The following CYP2B6 variants were observed in gnomAD, a reference collection of about 807,000 sequenced individuals.
CYP2B6 encodes the protein cytochrome P450 family 2 subfamily B member 6.
Under a neutral mutation model 43.4 loss-of-function variants are expected in CYP2B6, and 35 were observed. That is an observed-to-expected ratio of 0.81 (90% confidence interval 0.62 to 1.07). CYP2B6 has a LOEUF of 1.07. CYP2B6 is among the 50% of genes least tolerant of loss of function. The pLI is 0.00. For synonymous variants in CYP2B6, 239 were observed against 239.2 expected (o/e 1.00, Z 0.01); for missense variants, 624 against 632.8 (o/e 0.99, Z 0.15).
Position 41,004,082 on chromosome 19 carries a change from C to T in CYP2B6, c.253C>T (p.Arg85Trp), listed in dbSNP as rs1301704856. 52 of 1,608,492 alleles carry T rather than the reference C, an allele frequency of 3.2e-5. No homozygotes were observed. Among genetic ancestry groups the T allele is most frequent in the Non-Finnish European group, 4.1e-5 (48 of 1,179,024 alleles). The change falls in exon 2 of 9, where the codon CGG becomes TGG. Residue 85 changes from arginine (R) to tryptophan (W), a missense_variant. Transcript: ENST00000324071. ...CATGCTGTGTGGAGTAGAGGCCATA[C>T]GGGAGGCCCTTGTGGACAAGGCTGA... ...VVMLCGVEAIREALVDKAEAF... is the reference protein window; with the variant it reads ...VVMLCGVEAIWEALVDKAEAF...
intron 3 of CYP2B6, among the ~76,000 whole-genome samples, chr19:41,005,667 G>A (rs1969167863): frequency 6.6e-6 from 1 of 151,994 alleles, no homozygotes; most frequent in Non-Finnish European, 1.5e-5. Context: ...TTTAATCCCA[G>A]CTACTCAGGA....
At chr19:40,994,169 T>C (rs1298093012) in intron 1 of CYP2B6, among the ~76,000 whole-genome samples, 1 of 152,076 alleles carries the variant, frequency 6.6e-6, no homozygotes, top group Non-Finnish European at 1.5e-5. Flanking sequence ...GTAATTTCAG[T>C]TATTGACTGT....
intron 8 of CYP2B6, among the ~76,000 whole-genome samples, chr19:41,016,399 C>CAAAAAAAAAAA (rs869180190): frequency 1.4e-4 from 11 of 76,876 alleles, no homozygotes; most frequent in South Asian, 4.1e-4. Flanking sequence ...GACTCCATCT[C>CAAAAAAAAAAA]AAAAAAAAAA....
At chr19:41,002,621 C>G (rs1969111954) in intron 1 of CYP2B6, among the ~76,000 whole-genome samples, 1 of 152,126 alleles carries the variant, frequency 6.6e-6, no homozygotes, top group Admixed American at 6.5e-5. Flanking sequence ...TATCTCGCCT[C>G]ACTGCAACCT....
chr19:41,017,011 C>A lies in CYP2B6; in HGVS notation c.*184C>A, dbSNP rs3211379. ...CAAGTGAGTGCAGGAGTGAGATTAT[C>A]GAAAATTATAATATACAAAATCATA... On this transcript the variant is annotated 3_prime_UTR_variant, in exon 9 of 9. Coordinates refer to ENST00000324071, the MANE Select transcript of CYP2B6 (RefSeq NM_000767.5). The A allele has an allele frequency of 3.8e-5, 22 of 573,070 alleles. No individual in the cohort carries two copies. In the South Asian group the frequency reaches 4.1e-4, roughly 11 times the overall value. 35.5% of individuals were successfully genotyped at this position (573,070 alleles called of 1,614,324 possible).
intron 5 of CYP2B6, 176 bp downstream of exon 5, chr19:41,009,571 G>A (rs1969245928): frequency 1.4e-6 from 1 of 720,620 alleles, no homozygotes. Context: ...AAGATGAGGT[G>A]AAAGGAGGGA....
At chr19:40,998,368 A>G (rs535962358) in intron 1 of CYP2B6, among the ~76,000 whole-genome samples, 1 of 152,246 alleles carries the variant, frequency 6.6e-6, no homozygotes, top group East Asian at 1.9e-4. Flanking sequence ...AAATTTGGAA[A>G]CAAGCAAAAC....
Position 41,007,124 on chromosome 19 carries a change from G to A in CYP2B6, c.645+59G>A, listed in dbSNP as rs148465583. On this transcript the variant is annotated intron_variant, in intron 4 of 8. Transcript: ENST00000324071. ...GGTGAGGTGAACACCCAGAACACAC[G>A]AGAAAAGGATGACCTGTCTTGGGGG... 332 of 1,538,022 alleles carry A rather than the reference G, an allele frequency of 2.2e-4. No individual in the cohort carries two copies. The African/African-American group carries it at 3.8e-3, about 18-fold the overall frequency.
In CYP2B6 at chr19:40,997,887, G is replaced by A. The variant is rs141034049; in HGVS notation, c.172-6114G>A. On this transcript the variant is annotated intron_variant, in intron 1 of 8. Transcript: ENST00000324071. ...GGCTGAGGTGGGAGGATCGCTTGAA[G>A]CCAGGAGTTAGAAACCAGCCTGGGC... 4.6e-5 allele frequency among the ~76,000 whole-genome samples: 7 copies of A among 152,176 alleles called. No individual in the cohort carries two copies. The East Asian group carries it at 1.4e-3, about 29-fold the overall frequency.
intron 1 of CYP2B6, among the ~76,000 whole-genome samples, chr19:40,992,201 CAAAA>C (rs561830421): frequency 4.8e-5 from 3 of 62,572 alleles, no homozygotes; most frequent in Admixed American, 1.8e-4. Context: ...GACTCCTTCT[CAAAA>C]AAAAAAAAAA....
chr19:41,017,056 T>TG lies in CYP2B6; in HGVS notation c.*229_*230insG. On this transcript the variant is annotated 3_prime_UTR_variant, in exon 9 of 9. Transcript: ENST00000324071. ...ATCATATATATATATATGTTCTTGT[T>TG]TTTTGAGACAGAGTCTCACACTGTT... is the stretch of plus-strand genomic sequence containing the variant. 2.7e-6 allele frequency: 1 copy of TG among 369,532 alleles called. No homozygotes were observed. Among genetic ancestry groups the TG allele is most frequent in the East Asian group, 4.7e-5 (1 of 21,332 alleles). 22.9% of individuals were successfully genotyped at this position (369,532 alleles called of 1,614,324 possible).
At chr19:41,000,010 C>A (rs149674832) in intron 1 of CYP2B6, among the ~76,000 whole-genome samples, 1 of 152,132 alleles carries the variant, frequency 6.6e-6, no homozygotes, top group Non-Finnish European at 1.5e-5. Context: ...TCCTTTATTG[C>A]AGCAAAGATT....
At position 41,017,237 on chromosome 19, in the gene CYP2B6, T is replaced by C. The variant is rs572715430; in HGVS notation, c.*410T>C. 3.3e-4 allele frequency: 53 copies of C among 159,202 alleles called. No individual in the cohort carries two copies. The highest frequency in any genetic ancestry group is 1.2e-3 in the African/African-American group (51 of 41,518). 9.9% of individuals were successfully genotyped at this position (159,202 alleles called of 1,614,324 possible). On this transcript the variant is annotated 3_prime_UTR_variant, in exon 9 of 9. Transcript: ENST00000324071. Reference sequence around the variant, plus strand: ...TTTGTATTTTTAGTAGAGATGGGGTTTCACTGTGTAGGCCAGGCTGGTCTC... The same window carrying C: ...TTTGTATTTTTAGTAGAGATGGGGTCTCACTGTGTAGGCCAGGCTGGTCTC...
intron 8 of CYP2B6, among the ~76,000 whole-genome samples, chr19:41,015,603 G>A (rs1969348420): frequency 6.6e-6 from 1 of 152,124 alleles, no homozygotes; most frequent in South Asian, 2.1e-4. Context: ...GAATCTACTG[G>A]GGGTTCCTTG....
intron 1 of CYP2B6, among the ~76,000 whole-genome samples, chr19:40,997,634 A>C (rs1969017180): frequency 6.6e-6 from 1 of 152,170 alleles, no homozygotes; most frequent in Non-Finnish European, 1.5e-5. Flanking sequence ...CTTAGTCAAA[A>C]CATGTGGTCT....
intron 1 of CYP2B6, among the ~76,000 whole-genome samples, chr19:40,993,134 G>T (rs1968947212): frequency 1.3e-5 from 2 of 152,134 alleles, no homozygotes; most frequent in Admixed American, 6.5e-5. Flanking sequence ...ACCAGAGCTT[G>T]CTATAAAATA....
In CYP2B6 at chr19:40,991,330, C is replaced by A. The variant is rs1209261047; in HGVS notation, c.25C>A (p.Leu9Ile). The A allele has an allele frequency of 1.2e-6, 2 of 1,614,108 alleles. No individual in the cohort carries two copies. Among genetic ancestry groups the A allele is most frequent in the Non-Finnish European group, 1.7e-6 (2 of 1,180,028 alleles). The change falls in exon 1 of 9, where the codon CTT becomes ATT. Residue 9 changes from leucine to isoleucine, a missense_variant. Transcript: ENST00000324071. ...CATGGAACTCAGCGTCCTCCTCTTC[C>A]TTGCACTCCTCACAGGACTCTTGCT... MELSVLLF[L>I]ALLTGLLLLL... is the part of the protein sequence containing the mutation.
chr19:40,991,599 G>A (rs912172904), intron 1 of CYP2B6, 123 bp downstream of exon 1: 1 of 1,004,680 alleles, frequency 1.0e-6, no homozygotes, highest in Non-Finnish European at 1.6e-6. Context: ...TGGTTGGTGA[G>A]TACGGAGCAT....
chr19:41,012,137 A>G (rs111484395), intron 6 of CYP2B6, among the ~76,000 whole-genome samples, 161 bp from the exon 7 acceptor site: 202 of 152,138 alleles, frequency 1.3e-3, no homozygotes, highest in African/African-American at 4.7e-3. Flanking sequence ...TTTAGGAGAG[A>G]CGGGATTTTG....
Sources: allele counts gnomAD v4.1 joint callset (sites outside exome capture counted in the v4.1 genomes callset), GRCh38; gene constraint gnomAD v4.1.1; transcripts MANE v1.5; gene names NCBI Gene and HGNC (gene_info 2026-07-23, HGNC 2026-07-21).